PCDH15: variants seen among roughly 807,000 people sequenced by gnomAD.
PCDH15 encodes the protein protocadherin related 15, also known as protocadherin-15.
PCDH15 carries 129 observed loss-of-function variants against 178.5 expected under a neutral mutation model. The observed-to-expected ratio is 0.72, with a 90% CI of 0.63 to 0.84. The LOEUF is 0.84. Ranked by LOEUF, PCDH15 falls within the 40% of genes least tolerant of loss-of-function variation. The pLI is 0.00. For missense variants in PCDH15, 2,230 were observed against 2,099.9 expected (o/e 1.06, Z -1.21); for synonymous variants, 800 against 732.0 (o/e 1.09, Z -1.50).
At chr10:54,668,998 C>A (rs538691331) in intron 1 of PCDH15, among the ~76,000 whole-genome samples, 2 of 152,098 alleles carry the variant, frequency 1.3e-5, no homozygotes, top group African/African-American at 4.8e-5. Flanking sequence ...TTGTGAGAAA[C>A]GTATGCTATC....
At chr10:54,770,687 C>T (rs1395472831) in intron 1 of PCDH15, among the ~76,000 whole-genome samples, 1 of 151,970 alleles carries the variant, frequency 6.6e-6, no homozygotes, top group Non-Finnish European at 1.5e-5. Flanking sequence ...TCACTCTCCC[C>T]TGGCCTTGTG....
intron 25 of PCDH15, among the ~76,000 whole-genome samples, chr10:53,926,532 A>G (rs545623007): frequency 9.3e-4 from 142 of 152,278 alleles, no homozygotes; most frequent in Non-Finnish European, 1.8e-3. Flanking sequence ...TTACTTATCT[A>G]CTTCCTTTTT....
intron 2 of PCDH15, among the ~76,000 whole-genome samples, chr10:55,574,195 G>T (rs988890770): frequency 4.6e-5 from 7 of 151,972 alleles, no homozygotes; most frequent in Admixed American, 6.6e-5. Context: ...GTTATAACTG[G>T]ATAGTTTTCT....
chr10:54,376,351 A>G (rs1948430452), intron 4 of PCDH15, among the ~76,000 whole-genome samples: 1 of 151,052 alleles, frequency 6.6e-6, no homozygotes, highest in South Asian at 2.1e-4. Flanking sequence ...TTTAATAATA[A>G]TGTATATTTT....
At chr10:55,625,378 T>C (rs1425078257) in intron 2 of PCDH15, among the ~76,000 whole-genome samples, 3 of 152,150 alleles carry the variant, frequency 2.0e-5, no homozygotes, top group Non-Finnish European at 4.4e-5. Context: ...AACATGCAAG[T>C]ATGACACCCT....
intron 2 of PCDH15, among the ~76,000 whole-genome samples, chr10:55,156,237 G>A (rs184810545): frequency 9.7e-4 from 147 of 152,198 alleles, no homozygotes; most frequent in Non-Finnish European, 1.8e-3. Context: ...TTTCTATCTT[G>A]TTAAAACTTT....
Position 54,593,207 on chromosome 10 carries a change from T to C in PCDH15, c.92-65330A>G, listed in dbSNP as rs368605658. ...TCCACTTCTATACTTTTGTTTTTGT[T>C]GCCTGTGCTTTTGCTCTCATATCCA... On this transcript the variant is annotated intron_variant, in intron 2 of 37. Coordinates refer to ENST00000644397, the MANE Select transcript of PCDH15 (RefSeq NM_001384140.1). Among the ~76,000 whole-genome samples the C allele has an allele frequency of 5.9e-5, 9 of 152,314 alleles. No individual in the cohort carries two copies. The East Asian group carries it at 1.7e-3, about 29-fold the overall frequency.
chr10:54,567,605 C>G (rs550899301), intron 2 of PCDH15, among the ~76,000 whole-genome samples: 1 of 152,174 alleles, frequency 6.6e-6, no homozygotes, highest in East Asian at 1.9e-4. Flanking sequence ...AATGAAATAG[C>G]ATAACCTTTT....
intron 2 of PCDH15, among the ~76,000 whole-genome samples, chr10:54,999,498 C>T (rs1447189096): frequency 6.6e-6 from 1 of 152,124 alleles, no homozygotes; most frequent in Non-Finnish European, 1.5e-5. Context: ...TTTTAATGTT[C>T]AGGAAAGATT....
At chr10:54,452,841 A>G (rs1044451608) in intron 3 of PCDH15, among the ~76,000 whole-genome samples, 2 of 152,138 alleles carry the variant, frequency 1.3e-5, no homozygotes, top group African/African-American at 2.4e-5. Flanking sequence ...TGTGTAAATA[A>G]TGACTACACC....
chr10:54,332,480 A>C (rs529004934), intron 6 of PCDH15, among the ~76,000 whole-genome samples: 108 of 147,072 alleles, frequency 7.3e-4, no homozygotes, highest in African/African-American at 2.6e-3. Context: ...CAAACAGGCC[A>C]TGGCTCTTCA....
chr10:54,005,621 C>G (rs1011131380), intron 20 of PCDH15, among the ~76,000 whole-genome samples: 2 of 151,986 alleles, frequency 1.3e-5, no homozygotes, highest in African/African-American at 4.8e-5. Context: ...CCATCTTACA[C>G]CAGGTAGAAT....
chr10:54,653,092 G>GTAGTA (rs2135232788), intron 2 of PCDH15, among the ~76,000 whole-genome samples: 1 of 152,238 alleles, frequency 6.6e-6, no homozygotes, highest in South Asian at 2.1e-4. Flanking sequence ...TATGAGAGAG[G>GTAGTA]TAGTACCATT....
chr10:54,912,983 C>T (rs1374890388), intron 2 of PCDH15, among the ~76,000 whole-genome samples: 3 of 152,142 alleles, frequency 2.0e-5, no homozygotes, highest in African/African-American at 4.8e-5. Context: ...TGAAAGCCTA[C>T]ACTCATCTGC....
chr10:55,121,358 T>TGGG (rs35173407), intron 2 of PCDH15, among the ~76,000 whole-genome samples: 6 of 149,126 alleles, frequency 4.0e-5, no homozygotes, highest in Admixed American at 6.7e-5. Context: ...GGCTCAGAGC[T>TGGG]GGGGGGGGGC....
intron 2 of PCDH15, among the ~76,000 whole-genome samples, chr10:55,109,395 T>G (rs900145621): frequency 3.3e-5 from 5 of 152,226 alleles, no homozygotes; most frequent in East Asian, 1.9e-4. Context: ...TTCTAAAATC[T>G]AATTCTAAAT....
chr10:54,727,540 A>C (rs1246242760), intron 1 of PCDH15, among the ~76,000 whole-genome samples: 1 of 151,446 alleles, frequency 6.6e-6, no homozygotes, highest in African/African-American at 2.4e-5. Flanking sequence ...AGGAACTAGA[A>C]TAACAAGAGC....
intron 2 of PCDH15, among the ~76,000 whole-genome samples, chr10:55,004,789 C>T (rs1839883863): frequency 6.6e-6 from 1 of 152,124 alleles, no homozygotes; most frequent in Non-Finnish European, 1.5e-5. Flanking sequence ...GCAGGAAGAC[C>T]TACACTGAAT....
At chr10:55,022,324 C>A (rs1840351071) in intron 2 of PCDH15, among the ~76,000 whole-genome samples, 1 of 151,660 alleles carries the variant, frequency 6.6e-6, no homozygotes, top group African/African-American at 2.4e-5. Flanking sequence ...TGGTGGCACA[C>A]TCCTGAAATC....
Sources: gnomAD v4.1 joint callset for allele counts (sites outside exome capture counted in the v4.1 genomes callset) on GRCh38, gnomAD v4.1.1 for gene constraint, MANE v1.5 for transcripts, NCBI Gene and HGNC (gene_info 2026-07-23, HGNC 2026-07-21) for gene names.